SLC35D4: variants seen among roughly 807,000 people sequenced by gnomAD.
SLC35D4 encodes the protein solute carrier family 35 member D4.
chr18:23,246,608 G>A, the SLC35D4 span, among the ~76,000 whole-genome samples: 16 of 151,838 alleles, frequency 1.1e-4, no homozygotes, highest in Admixed American at 5.2e-4. Context: ...AGCCAGGATG[G>A]TCTCGATCTC....
the SLC35D4 span, chr18:23,371,424 ACACAGAGTAAGTGAATTATAG>A: frequency 6.3e-7 from 1 of 1,588,826 alleles, no homozygotes; most frequent in Non-Finnish European, 8.6e-7. Flanking sequence ...AAACTTACCT[ACACAGAGTAAGTGAATTATAG>A]CCCAAAAATA....
the SLC35D4 span, among the ~76,000 whole-genome samples, chr18:23,412,969 C>T: frequency 6.6e-6 from 1 of 152,234 alleles, no homozygotes; most frequent in Admixed American, 6.5e-5. Flanking sequence ...AGGCTTCACA[C>T]ACTAGACAGT....
chr18:23,399,182 T>C, the SLC35D4 span, among the ~76,000 whole-genome samples: 15 of 152,128 alleles, frequency 9.9e-5, no homozygotes, highest in Non-Finnish European at 1.8e-4. Flanking sequence ...ACGTTACCAA[T>C]GGGCAGGGTT....
chr18:23,432,429 T>C, the SLC35D4 span, among the ~76,000 whole-genome samples: 1 of 152,106 alleles, frequency 6.6e-6, no homozygotes, highest in Non-Finnish European at 1.5e-5. Flanking sequence ...ACGCCTGTAA[T>C]CCCAACACTT....
At chr18:23,340,810 G>A in the SLC35D4 span, among the ~76,000 whole-genome samples, 2 of 152,154 alleles carry the variant, frequency 1.3e-5, no homozygotes, top group South Asian at 2.1e-4. Flanking sequence ...AAGCATTGCC[G>A]CTGCTGTCCC....
chr18:23,315,777 A>G, the SLC35D4 span, among the ~76,000 whole-genome samples: 4 of 152,148 alleles, frequency 2.6e-5, no homozygotes. Context: ...TCTAGTCCCA[A>G]AATGCCAGGG....
chr18:23,352,256 T>G, the SLC35D4 span: 6 of 1,611,046 alleles, frequency 3.7e-6, no homozygotes, highest in Non-Finnish European at 5.1e-6. Context: ...TTAGCTTCAC[T>G]GTACTGAACA....
At chr18:23,278,206 C>T in the SLC35D4 span, among the ~76,000 whole-genome samples, 2 of 152,172 alleles carry the variant, frequency 1.3e-5, no homozygotes, top group African/African-American at 2.4e-5. Flanking sequence ...CACATACTCC[C>T]GCAACCTGAC....
the SLC35D4 span, chr18:23,384,858 T>C: frequency 2.2e-5 from 15 of 689,176 alleles, no homozygotes; most frequent in South Asian, 2.0e-4. Flanking sequence ...GTATCATTGA[T>C]CACTATCAGG....
At chr18:23,395,722 G>T in the SLC35D4 span, among the ~76,000 whole-genome samples, 1 of 152,184 alleles carries the variant, frequency 6.6e-6, no homozygotes, top group African/African-American at 2.4e-5. Context: ...TTTTGACCAG[G>T]AAATTATAAG....
chr18:23,380,833 C>A, the SLC35D4 span, among the ~76,000 whole-genome samples: 1 of 151,998 alleles, frequency 6.6e-6, no homozygotes, highest in Non-Finnish European at 1.5e-5. Flanking sequence ...CATGAATACA[C>A]AAAGGCCTTG....
chr18:23,320,879 G>A, the SLC35D4 span, among the ~76,000 whole-genome samples: 1 of 152,158 alleles, frequency 6.6e-6, no homozygotes, highest in Admixed American at 6.5e-5. Flanking sequence ...GGGAAGACTT[G>A]TGCTTTTGCT....
At chr18:23,427,666 T>C in the SLC35D4 span, among the ~76,000 whole-genome samples, 1 of 152,244 alleles carries the variant, frequency 6.6e-6, no homozygotes, top group African/African-American at 2.4e-5. Context: ...ATCCCATTAC[T>C]GGGTATATAC....
the SLC35D4 span, among the ~76,000 whole-genome samples, chr18:23,371,937 T>TTTTTTTTTG: frequency 5.0e-5 from 1 of 20,136 alleles, no homozygotes; most frequent in Non-Finnish European, 1.5e-4. Context: ...TTTTTTTTGT[T>TTTTTTTTTG]TTTTTTTTTT....
At chr18:23,280,001 A>G in the SLC35D4 span, among the ~76,000 whole-genome samples, 4 of 152,152 alleles carry the variant, frequency 2.6e-5, no homozygotes, top group African/African-American at 9.7e-5. Flanking sequence ...CACTGCGCCC[A>G]GTCAATTTCT....
At chr18:23,326,810 C>T in the SLC35D4 span, among the ~76,000 whole-genome samples, 1 of 152,190 alleles carries the variant, frequency 6.6e-6, no homozygotes, top group Non-Finnish European at 1.5e-5. Flanking sequence ...AAGTAAAGCA[C>T]TCCTCAGCAA....
the SLC35D4 span, among the ~76,000 whole-genome samples, chr18:23,278,892 T>C: frequency 6.6e-6 from 1 of 151,256 alleles, no homozygotes; most frequent in African/African-American, 2.4e-5. Flanking sequence ...GGCTCACCTG[T>C]GGTAACAGCT....
chr18:23,333,682 C>A, the SLC35D4 span, among the ~76,000 whole-genome samples: 2 of 152,206 alleles, frequency 1.3e-5, no homozygotes, highest in Admixed American at 6.5e-5. Context: ...TACGTTTTCA[C>A]AGATAACAAA....
chr18:23,356,512 C>T, the SLC35D4 span: 2 of 1,446,742 alleles, frequency 1.4e-6, no homozygotes, highest in African/African-American at 2.8e-5. This position sits in a 1 kb window ranked among gnomAD's most constrained non-coding sequence, Gnocchi z 4.1. Flanking sequence ...ACTCAGGTCA[C>T]TAGCAGTGAC....
Sources: allele counts gnomAD v4.1 joint callset (sites outside exome capture counted in the v4.1 genomes callset), GRCh38; gene constraint gnomAD v4.1.1; non-coding constraint Gnocchi (gnomAD v3.1); transcripts MANE v1.5; gene names NCBI Gene and HGNC (gene_info 2026-07-23, HGNC 2026-07-21).